RAB44: variants seen among roughly 807,000 people sequenced by gnomAD.
RAB44 encodes ras-related protein Rab-44.
Under a neutral mutation model 93.3 loss-of-function variants are expected in RAB44, and 67 were observed. The ratio of observed to expected loss-of-function variants is 0.72; its 90% confidence interval spans 0.59 to 0.88. The LOEUF is 0.88. Among genes scored for constraint, RAB44 ranks in the 40% least tolerant of loss-of-function variants. The probability of loss-of-function intolerance (pLI) is 0.00; values close to 1 mark genes in which losing one functional copy is unlikely to be tolerated. For missense variants in RAB44, 1,064 were observed against 1,261.7 expected (o/e 0.84, Z 2.37); for synonymous variants, 427 against 520.3 (o/e 0.82, Z 2.44).
intron 1 of RAB44, among the ~76,000 whole-genome samples, chr6:36,703,486 T>A (rs1762561803): frequency 1.3e-5 from 2 of 151,678 alleles, no homozygotes; most frequent in Non-Finnish European, 2.9e-5. Context: ...GTGAGAGAGT[T>A]GAGGAGTTTG....
chr6:36,731,635 C>T lies in RAB44; in HGVS notation c.2976-368C>T, dbSNP rs904439159. 1.6e-4 allele frequency among the ~76,000 whole-genome samples: 25 copies of T among 152,142 alleles called. No homozygotes were observed. Among genetic ancestry groups the T allele is most frequent in the African/African-American group, 4.1e-4 (17 of 41,430 alleles). On this transcript the variant is annotated intron_variant, in intron 13 of 13. Coordinates refer to ENST00000612677, the MANE Select transcript of RAB44 (RefSeq NM_001257357.2). This position sits in a 1 kb window ranked among gnomAD's most constrained non-coding sequence, Gnocchi z 4.0. ...GGCATACCTTGTCCATGGCTCAGTT[C>T]GGTCACCATCTCCTTCCTCCCCAGA...
At chr6:36,719,189 T>G (rs1280021351) in intron 7 of RAB44, among the ~76,000 whole-genome samples, 1 of 152,178 alleles carries the variant, frequency 6.6e-6, no homozygotes, top group Non-Finnish European at 1.5e-5. Flanking sequence ...TGAAGACCAC[T>G]GACCTTGGTA....
chr6:36,730,587 T>A (rs1475627699), intron 12 of RAB44, 86 bp from the exon 13 acceptor site: 1 of 827,272 alleles, frequency 1.2e-6, no homozygotes, highest in Non-Finnish European at 1.6e-6. Context: ...GGGACTCTGA[T>A]GGCCGGGACT....
intron 3 of RAB44, 77 bp from the exon 4 acceptor site, chr6:36,715,402 G>T: frequency 7.4e-7 from 1 of 1,356,346 alleles, no homozygotes; most frequent in Non-Finnish European, 1.0e-6. Flanking sequence ...CCTGAGGGCT[G>T]GACCAGGGCT....
At chr6:36,709,869 A>C (rs1054003622) in intron 2 of RAB44, among the ~76,000 whole-genome samples, 4 of 152,128 alleles carry the variant, frequency 2.6e-5, no homozygotes, top group African/African-American at 9.7e-5. Context: ...TATTAATTGC[A>C]CTTTTAACCA....
chr6:36,722,569 G>A lies in RAB44; in HGVS notation c.2435G>A (p.Gly812Glu). The A allele has an allele frequency of 6.5e-7, 1 of 1,550,038 alleles. No homozygotes were observed. The highest frequency in any genetic ancestry group is 8.7e-7 in the Non-Finnish European group (1 of 1,146,638). Residue 812 changes from glycine (G) to glutamate (E), a missense_variant, in exon 9 of 14, where the codon GGG becomes GAG. Transcript: ENST00000612677. ...CCAGGAATGGACTCCAGGGAAGCTG[G>A]GCTGACCCCATCCCCGGGAGACCCC... Reference protein sequence around the residue: ...EDPGMDSREAGLTPSPGDPMA... With the variant: ...EDPGMDSREAELTPSPGDPMA...
intron 2 of RAB44, 33 bp downstream of exon 2, chr6:36,704,475 C>T: frequency 6.6e-7 from 1 of 1,514,256 alleles, no homozygotes; most frequent in Non-Finnish European, 8.9e-7. Flanking sequence ...AATGCTGAAT[C>T]CCTTTTCCGC....
intron 1 of RAB44, among the ~76,000 whole-genome samples, chr6:36,702,456 C>A (rs1244935391): frequency 2.0e-5 from 3 of 152,160 alleles, no homozygotes; most frequent in African/African-American, 4.8e-5. Context: ...CGTGGAATGA[C>A]CCCCTGGAAT....
rs1224219171 is a variant in RAB44 at position 36,722,211 on chromosome 6, C to G, written c.2077C>G (p.Gln693Glu). ...AGGTGGGCAGGACCTCAGTTCAGAGCAGTCAGAGCAGTCGGTTGAGGCTCA... is the reference window on the plus strand; with the variant it reads ...AGGTGGGCAGGACCTCAGTTCAGAGGAGTCAGAGCAGTCGGTTGAGGCTCA... ...GRGGQDLSSEQSEQSVEAHGL... is the reference protein window; with the variant it reads ...GRGGQDLSSEESEQSVEAHGL... Residue 693 changes from glutamine (Q) to glutamate (E), a missense_variant, in exon 9 of 14, where the codon CAG (glutamine) becomes GAG (glutamate). Coordinates refer to ENST00000612677, the MANE Select transcript of RAB44 (RefSeq NM_001257357.2). 2 of 1,247,756 alleles carry G rather than the reference C, an allele frequency of 1.6e-6. No homozygotes were observed. Among genetic ancestry groups the G allele is most frequent in the African/African-American group, 3.1e-5 (2 of 64,864 alleles). The allele number at this position is 1,247,756 out of a possible 1,614,324, so 77.3% of individuals were successfully genotyped here.
At position 36,733,155 on chromosome 6, in the gene RAB44, A is replaced by G. The variant is rs1203761609; in HGVS notation, c.*1062A>G. ...ATGTCTGTCACATCTTACCATCATC[A>G]CAAATTGAATATACAACATGTGCCA... On this transcript the variant is annotated 3_prime_UTR_variant, in exon 14 of 14. Coordinates refer to ENST00000612677, the MANE Select transcript of RAB44 (RefSeq NM_001257357.2). 6.6e-6 allele frequency: 1 copy of G among 152,092 alleles called. No homozygotes were observed. Among genetic ancestry groups the G allele is most frequent in the African/African-American group, 2.4e-5 (1 of 41,384 alleles). 9.4% of individuals were successfully genotyped at this position (152,092 alleles called of 1,614,324 possible). A position where few individuals can be genotyped will look rare whatever the true frequency, so the allele number is the denominator to read the frequency against.
Position 36,721,730 on chromosome 6 carries a change from T to C in RAB44, c.1596T>C (p.Pro532=). The C allele has an allele frequency of 3.2e-6, 4 of 1,234,328 alleles. No homozygotes were observed. Among genetic ancestry groups the C allele is most frequent in the Non-Finnish European group, 4.0e-6 (4 of 988,192 alleles). 76.5% of individuals were successfully genotyped at this position (1,234,328 alleles called of 1,614,324 possible). The change falls in exon 9 of 14, where the codon CCT becomes CCC. Residue 532 remains proline, a synonymous_variant. Transcript: ENST00000612677. ...IQASDPDDKG[P]GSWAPPSGAQ... ...CCTCAGACCCAGATGACAAGGGCCC[T>C]GGGTCTTGGGCTCCTCCCAGCGGGG... is the stretch of plus-strand genomic sequence containing the variant.
chr6:36,706,510 C>T (rs1216094539), intron 2 of RAB44, among the ~76,000 whole-genome samples: 1 of 152,140 alleles, frequency 6.6e-6, no homozygotes, highest in African/African-American at 2.4e-5. Context: ...GGCCAGCTTC[C>T]TGGTAGGGTT....
intron 1 of RAB44, among the ~76,000 whole-genome samples, chr6:36,698,794 A>T (rs1231873012): frequency 6.6e-6 from 1 of 151,914 alleles, no homozygotes; most frequent in Non-Finnish European, 1.5e-5. Flanking sequence ...AATGGCCGTG[A>T]GGGGTGCTGT....
chr6:36,721,531 C>G lies in RAB44; in HGVS notation c.1397C>G (p.Pro466Arg), dbSNP rs886400335. 3 of 1,234,440 alleles carry G rather than the reference C, an allele frequency of 2.4e-6. No individual in the cohort carries two copies. The highest frequency in any genetic ancestry group is 2.0e-6 in the Non-Finnish European group (2 of 988,348). The allele number at this position is 1,234,440 out of a possible 1,614,324, so 76.5% of individuals were successfully genotyped here. Residue 466 changes from proline (P) to arginine (R), a missense_variant, in exon 9 of 14, where the codon CCG becomes CGG. By Grantham distance (103) the Pro-to-Arg change is moderately radical. Coordinates refer to ENST00000612677, the MANE Select transcript of RAB44 (RefSeq NM_001257357.2). ...RAEQPVEPHDPDPNQEPGSTP... is the reference protein window; with the variant it reads ...RAEQPVEPHDRDPNQEPGSTP... ...GAGCAGCCTGTTGAACCGCACGACCCGGACCCCAACCAGGAGCCAGGGTCC... is the reference window on the plus strand; with the variant it reads ...GAGCAGCCTGTTGAACCGCACGACCGGGACCCCAACCAGGAGCCAGGGTCC...
chr6:36,732,169 C>T lies in RAB44; in HGVS notation c.*76C>T. ...TCAGCTCCTGTCCTTTGTTCCTGGA[C>T]AGCAACGACACAGAGGACCAGCTTG... On this transcript the variant is annotated 3_prime_UTR_variant, in exon 14 of 14. Transcript: ENST00000612677. 1 of 952,492 alleles carries T rather than the reference C, an allele frequency of 1.0e-6. No individual in the cohort carries two copies. Among genetic ancestry groups the T allele is most frequent in the Non-Finnish European group, 1.4e-6 (1 of 731,618 alleles). 59.0% of individuals were successfully genotyped at this position (952,492 alleles called of 1,614,324 possible).
rs549316271 is a variant in RAB44 at position 36,721,079 on chromosome 6, G to A, written c.1017-72G>A. On this transcript the variant is annotated intron_variant, in intron 8 of 13. Coordinates refer to ENST00000612677, the MANE Select transcript of RAB44 (RefSeq NM_001257357.2). Reference sequence around the variant, plus strand: ...ATGGGGAGAGCAAGGGATGGTGAGGGCTGCAGGTGGGATGGGTGTGACACC... The same window carrying A: ...ATGGGGAGAGCAAGGGATGGTGAGGACTGCAGGTGGGATGGGTGTGACACC... 8.2e-6 allele frequency: 10 copies of A among 1,216,820 alleles called. No homozygotes were observed. In the South Asian group the frequency reaches 3.4e-4, roughly 41 times the overall value. The allele number at this position is 1,216,820 out of a possible 1,614,324, so 75.4% of individuals were successfully genotyped here.
chr6:36,728,651 G>A (rs1262562138), intron 11 of RAB44, 49 bp from the exon 12 acceptor site: 2 of 1,492,206 alleles, frequency 1.3e-6, no homozygotes, highest in Non-Finnish European at 1.8e-6. Context: ...AATGTGCCAG[G>A]AGCCTGGCAC....
chr6:36,716,192 G>A (rs921125098), intron 4 of RAB44, among the ~76,000 whole-genome samples: 13 of 152,202 alleles, frequency 8.5e-5, no homozygotes, highest in African/African-American at 2.7e-4. Flanking sequence ...AGCCCTGGCC[G>A]GGCACGGTGG....
rs1252393265 is a variant in RAB44, at chr6:36,728,717, G to A, written c.2814G>A (p.Gly938=). The part of the protein sequence containing the change: ...LDCLQDAGSD[G]VVILLLGNKM... ...GTGTGCAGGATGCAGGGTCGGATGG[G>A]GTGGTCATCCTTCTCCTGGGAAACA... is the stretch of plus-strand genomic sequence containing the variant. Residue 938 remains glycine (G), a synonymous_variant, in exon 12 of 14, where the codon GGG becomes GGA. Transcript: ENST00000612677. 6.4e-7 allele frequency: 1 copy of A among 1,550,438 alleles called. No individual in the cohort carries two copies. Among genetic ancestry groups the A allele is most frequent in the African/African-American group, 1.4e-5 (1 of 73,024 alleles).
Sources: gnomAD v4.1 joint callset for allele counts (sites outside exome capture counted in the v4.1 genomes callset) on GRCh38, gnomAD v4.1.1 for gene constraint, Gnocchi (gnomAD v3.1) non-coding constraint, MANE v1.5 for transcripts, NCBI Gene and HGNC (gene_info 2026-07-23, HGNC 2026-07-21) for gene names.